CHODL: variants seen among roughly 807,000 people sequenced by gnomAD.
The protein encoded by CHODL is transmembrane protein MT75.
In CHODL, 29 loss-of-function variants were observed where a neutral mutation model predicts 34.5. The ratio of observed to expected loss-of-function variants is 0.84; its 90% CI spans 0.63 to 1.15. CHODL has a LOEUF of 1.15. CHODL is among the 50% of genes most tolerant of loss of function. The pLI is 0.00. For missense variants in CHODL, 332 were observed against 332.5 expected (o/e 1.00, Z 0.01); for synonymous variants, 125 against 116.1 (o/e 1.08, Z -0.49).
At chr21:18,112,778 A>C (rs995057148) in intron 2 of CHODL, among the ~76,000 whole-genome samples, 2 of 152,218 alleles carry the variant, frequency 1.3e-5, no homozygotes, top group African/African-American at 2.4e-5. Flanking sequence ...AATGCACCAA[A>C]GACTTAAGTC....
rs142552456 is a variant in CHODL at position 18,185,175 on chromosome 21, C to A, written c.-44-71334C>A. Among the ~76,000 whole-genome samples, 897 of 152,214 alleles carry A rather than the reference C, an allele frequency of 5.9e-3. 17 individuals are homozygous for A. Among genetic ancestry groups the A allele is most frequent in the African/African-American group, 0.02 (840 of 41,534 alleles). On this transcript the variant is annotated intron_variant, in intron 2 of 6. Coordinates refer to the CHODL transcript ENST00000400127. Reference sequence around the variant, plus strand: ...TCTCCTAATGCTATCCCTCCCCTAGCCCCCTACCCCTGGCAGGCACTAGTG... The same window carrying A: ...TCTCCTAATGCTATCCCTCCCCTAGACCCCTACCCCTGGCAGGCACTAGTG...
rs77104406 is a variant in CHODL at position 17,934,947 on chromosome 21, C to T, written c.-145+17547C>T. Among the ~76,000 whole-genome samples the T allele has an allele frequency of 5.8e-3, 882 of 152,242 alleles. 12 individuals carry two copies. The highest frequency in any genetic ancestry group is 0.02 in the African/African-American group (835 of 41,530). On this transcript the variant is annotated intron_variant, in intron 1 of 6. Transcript: ENST00000400127. ...TCTTGAAGGATTCCTGGGCAGCCCG[C>T]AGTGCTAAGGGGAACAAAAATATAA...
intron 2 of CHODL, among the ~76,000 whole-genome samples, chr21:18,217,066 T>C (rs896862208): frequency 6.6e-6 from 1 of 152,210 alleles, no homozygotes; most frequent in Non-Finnish European, 1.5e-5. Context: ...AGACAAGTAA[T>C]TTAGTTCCAT....
At position 18,035,266 on chromosome 21, in the gene CHODL, G is replaced by A. The variant is rs143776864; in HGVS notation, c.-45+7295G>A. ...CTGGGTATAGAACACCAGGTTGTGAGTTTTCTTTCTTTCAGTATTTTAAAT... is the reference window on the plus strand; with the variant it reads ...CTGGGTATAGAACACCAGGTTGTGAATTTTCTTTCTTTCAGTATTTTAAAT... On this transcript the variant is annotated intron_variant, in intron 2 of 6. Coordinates refer to the CHODL transcript ENST00000400127. Among the ~76,000 whole-genome samples the A allele has an allele frequency of 6.4e-3, 975 of 152,004 alleles. 5 individuals carry two copies. The highest frequency in any genetic ancestry group is 0.01 in the Non-Finnish European group (681 of 67,898).
intron 2 of CHODL, among the ~76,000 whole-genome samples, chr21:18,232,229 C>T (rs996220171): frequency 6.6e-6 from 1 of 151,932 alleles, no homozygotes; most frequent in African/African-American, 2.4e-5. Context: ...ATAAAATCAT[C>T]ATTTTCGATG....
chr21:17,946,202 G>A (rs1429787802), intron 1 of CHODL, among the ~76,000 whole-genome samples: 2 of 152,338 alleles, frequency 1.3e-5, no homozygotes, highest in Middle Eastern at 3.4e-3. Flanking sequence ...CGGATCACGA[G>A]GGCAGGAGAT....
At chr21:18,198,763 G>T (rs2146705000) in intron 2 of CHODL, among the ~76,000 whole-genome samples, 1 of 152,092 alleles carries the variant, frequency 6.6e-6, no homozygotes, top group East Asian at 1.9e-4. Context: ...TTCGAATAAA[G>T]GAAGTAATTA....
intron 1 of CHODL, among the ~76,000 whole-genome samples, chr21:17,954,861 ATTCT>A (rs2063484763): frequency 1.6e-5 from 2 of 126,880 alleles, no homozygotes; most frequent in African/African-American, 5.3e-5. Context: ...TAAATATATA[ATTCT>A]TATATATTTA....
intron 3 of CHODL, among the ~76,000 whole-genome samples, chr21:18,259,675 G>T (rs1304750973): frequency 6.6e-6 from 1 of 152,196 alleles, no homozygotes. Flanking sequence ...GGATGGCATT[G>T]TATATGCAGA....
intron 2 of CHODL, among the ~76,000 whole-genome samples, chr21:18,102,913 G>A (rs2146547333): frequency 6.6e-6 from 1 of 152,242 alleles, no homozygotes; most frequent in African/African-American, 2.4e-5. Context: ...ATAAATTTCT[G>A]CTTTATCATC....
chr21:18,116,307 C>T (rs1397327836), intron 2 of CHODL, among the ~76,000 whole-genome samples: 1 of 152,066 alleles, frequency 6.6e-6, no homozygotes, highest in Non-Finnish European at 1.5e-5. Flanking sequence ...ATTTCTCTCT[C>T]TCTCTCTTTC....
intron 2 of CHODL, among the ~76,000 whole-genome samples, chr21:18,237,280 A>G (rs1194074569): frequency 1.3e-5 from 2 of 152,144 alleles, no homozygotes; most frequent in African/African-American, 2.4e-5. Flanking sequence ...ATCTAGGAAT[A>G]TACATCTGAA....
At chr21:18,105,852 A>T (rs969687032) in intron 2 of CHODL, among the ~76,000 whole-genome samples, 2 of 152,108 alleles carry the variant, frequency 1.3e-5, no homozygotes, top group African/African-American at 4.8e-5. Flanking sequence ...TTTTTCACCA[A>T]GGTTTGGGTG....
At chr21:18,070,025 T>TTCCCTTCCCTTCCCTTCCC (rs1555860424) in intron 2 of CHODL, among the ~76,000 whole-genome samples, 1 of 29,090 alleles carries the variant, frequency 3.4e-5, no homozygotes, top group Non-Finnish European at 1.0e-4. Context: ...TTCCCTTCCC[T>TTCCCTTCCCTTCCCTTCCC]CCCCCCCCCC....
intron 2 of CHODL, among the ~76,000 whole-genome samples, chr21:18,138,486 G>A (rs2072763107): frequency 6.6e-6 from 1 of 151,914 alleles, no homozygotes. Context: ...AGCTTTTTCT[G>A]TTATCATATT....
intron 2 of CHODL, among the ~76,000 whole-genome samples, chr21:18,099,582 T>C (rs895072146): frequency 1.3e-5 from 2 of 151,910 alleles, no homozygotes; most frequent in African/African-American, 2.4e-5. Flanking sequence ...CAAAAAGCCA[T>C]CCAATAAAGA....
chr21:18,065,158 T>TA (rs1296498321), intron 2 of CHODL, among the ~76,000 whole-genome samples: 1 of 152,160 alleles, frequency 6.6e-6, no homozygotes, highest in East Asian at 1.9e-4. Context: ...GGCACATACA[T>TA]ACACAAATGT....
intron 2 of CHODL, among the ~76,000 whole-genome samples, chr21:18,064,033 T>C (rs1432594368): frequency 1.3e-5 from 2 of 152,224 alleles, no homozygotes; most frequent in Non-Finnish European, 2.9e-5. Flanking sequence ...TCCTTGATAT[T>C]GTAGATAAAT....
At chr21:18,042,618 A>G (rs892222208) in intron 2 of CHODL, among the ~76,000 whole-genome samples, 5 of 151,974 alleles carry the variant, frequency 3.3e-5, no homozygotes, top group African/African-American at 1.2e-4. Flanking sequence ...TTTATTCTAT[A>G]TATCCAGTGG....
Sources: gnomAD v4.1 joint callset for allele counts (sites outside exome capture counted in the v4.1 genomes callset) on GRCh38, gnomAD v4.1.1 for gene constraint, MANE v1.5 for transcripts, NCBI Gene and HGNC (gene_info 2026-07-23, HGNC 2026-07-21) for gene names.